The following DCX variants were observed in gnomAD, a reference collection of about 807,000 sequenced individuals.
The protein encoded by DCX is neuronal migration protein doublecortin.
DCX carries 4 observed loss-of-function variants against 20.9 expected under a neutral mutation model. The ratio of observed to expected loss-of-function variants is 0.19; its 90% CI spans 0.09 to 0.44. DCX has a LOEUF of 0.44. DCX is among the 20% of genes least tolerant of loss of function. DCX has a pLI of 0.99. For missense variants in DCX, 133 were observed against 296.9 expected (o/e 0.45, Z 4.06); for synonymous variants, 103 against 111.4 (o/e 0.92, Z 0.47).
chrX:111,308,581 T>A (rs2095050564), intron 6 of DCX, among the ~76,000 whole-genome samples: 1 of 111,322 alleles, frequency 9.0e-6, no homozygotes, highest in Admixed American at 9.6e-5. Flanking sequence ...AAGCCACTTA[T>A]ATTAGAGTTA....
chrX:111,349,794 T>A (rs944495400), intron 3 of DCX, among the ~76,000 whole-genome samples: 2 of 111,728 alleles, frequency 1.8e-5, no homozygotes, highest in South Asian at 7.6e-4. Context: ...ACATCAACCA[T>A]CAGTCAGTGT....
rs1167051681 is a variant in DCX at position 111,300,805 on chromosome X, T to C, written c.*882A>G. ...CAGACCTGAAAACAAATTCTCACAG[T>C]GTTTTCAGTGTTGGCTGTTAACAAG... On this transcript the variant is annotated 3_prime_UTR_variant, in exon 7 of 7. Coordinates refer to ENST00000636035, the MANE Select transcript of DCX (RefSeq NM_001195553.2). 1 of 111,931 alleles carries C rather than the reference T, an allele frequency of 8.9e-6. No individual in the cohort carries two copies. Among genetic ancestry groups the C allele is most frequent in the Non-Finnish European group, 1.9e-5 (1 of 53,168 alleles). The allele number at this position is 111,931 out of a possible 1,213,427, so 9.2% of individuals were successfully genotyped here.
At chrX:111,377,456 G>A (rs1337337533) in intron 3 of DCX, among the ~76,000 whole-genome samples, 1 of 111,216 alleles carries the variant, frequency 9.0e-6, no homozygotes, top group Non-Finnish European at 1.9e-5. Flanking sequence ...GTGGGGTGGG[G>A]ACTGCATCAA....
At chrX:111,352,236 A>G (rs770327333) in intron 3 of DCX, among the ~76,000 whole-genome samples, 33 of 111,974 alleles carry the variant, frequency 2.9e-4, no homozygotes, top group Admixed American at 2.7e-3. Flanking sequence ...CAGAATGTCA[A>G]TAGTGCCAGG....
At chrX:111,354,812 T>C (rs1273396031) in intron 3 of DCX, among the ~76,000 whole-genome samples, 1 of 112,802 alleles carries the variant, frequency 8.9e-6, no homozygotes. Context: ...CAGTTTTCAA[T>C]GGTTTATAGC....
chrX:111,402,701 G>A (rs1473329377), intron 2 of DCX, among the ~76,000 whole-genome samples: 4 of 110,796 alleles, frequency 3.6e-5, no homozygotes, highest in Non-Finnish European at 7.5e-5. Flanking sequence ...TCTCAGTAAT[G>A]CTAAGAGAAG....
intron 2 of DCX, among the ~76,000 whole-genome samples, chrX:111,409,560 G>C (rs1928530920): frequency 8.9e-6 from 1 of 111,967 alleles, no homozygotes; most frequent in African/African-American, 3.2e-5. Context: ...ATAATCCTCT[G>C]TGAATATGTC....
At position 111,297,361 on chromosome X, in the gene DCX, C is replaced by T. The variant is rs920361576; in HGVS notation, c.*4326G>A. 2.7e-5 allele frequency: 3 copies of T among 111,238 alleles called. No individual in the cohort carries two copies. The highest frequency in any genetic ancestry group is 9.8e-5 in the African/African-American group (3 of 30,480). The allele number at this position is 111,238 out of a possible 1,213,427, so 9.2% of individuals were successfully genotyped here. On this transcript the variant is annotated 3_prime_UTR_variant, in exon 7 of 7. Coordinates refer to ENST00000636035, the MANE Select transcript of DCX (RefSeq NM_001195553.2). Reference sequence around the variant, plus strand: ...GGATATAGGCATCCTGTTCTCTTGTCCTAGGGATATGGATTTTTAAAAAAT... The same window carrying T: ...GGATATAGGCATCCTGTTCTCTTGTTCTAGGGATATGGATTTTTAAAAAAT...
At chrX:111,405,413 G>A (rs1439500461) in intron 2 of DCX, among the ~76,000 whole-genome samples, 1 of 112,241 alleles carries the variant, frequency 8.9e-6, no homozygotes, top group Non-Finnish European at 1.9e-5. Context: ...AAATTAGTGA[G>A]AAGGTGGATT....
chrX:111,381,290 G>T (rs1217610825), intron 3 of DCX, among the ~76,000 whole-genome samples: 1 of 110,337 alleles, frequency 9.1e-6, no homozygotes, highest in Non-Finnish European at 1.9e-5. Flanking sequence ...TTGGATCAAG[G>T]TATGGGGGAA....
chrX:111,360,013 G>A (rs1241992178), intron 3 of DCX, among the ~76,000 whole-genome samples: 1 of 112,070 alleles, frequency 8.9e-6, no homozygotes, highest in Admixed American at 9.5e-5. Flanking sequence ...GACAATATGT[G>A]TACAAAAATG....
At chrX:111,348,485 G>A (rs1464803373) in intron 3 of DCX, among the ~76,000 whole-genome samples, 2 of 111,443 alleles carry the variant, frequency 1.8e-5, no homozygotes, top group African/African-American at 6.5e-5. Flanking sequence ...CTCCCACTGG[G>A]GGCCTCTCAA....
chrX:111,306,161 G>A (rs2095044963), intron 6 of DCX, among the ~76,000 whole-genome samples: 1 of 111,070 alleles, frequency 9.0e-6, no homozygotes, highest in African/African-American at 3.3e-5. Flanking sequence ...TTAAAAACAT[G>A]ATCCAACTCA....
intron 3 of DCX, among the ~76,000 whole-genome samples, chrX:111,374,399 G>T (rs1925357807): frequency 8.9e-6 from 1 of 111,775 alleles, no homozygotes; most frequent in South Asian, 3.7e-4. Context: ...TTTTTATATT[G>T]CTTATGGGGT....
chrX:111,367,371 T>C (rs1924703618), intron 3 of DCX, among the ~76,000 whole-genome samples: 1 of 111,771 alleles, frequency 8.9e-6, no homozygotes, highest in Non-Finnish European at 1.9e-5. Context: ...TAAAATCTCT[T>C]CTCAGCATTG....
chrX:111,347,364 C>T (rs1922919464), intron 3 of DCX, among the ~76,000 whole-genome samples: 1 of 110,976 alleles, frequency 9.0e-6, no homozygotes, highest in South Asian at 3.8e-4. Flanking sequence ...AACTAAAATC[C>T]ATTTCTTTGA....
chrX:111,358,048 GA>G (rs1923895265), intron 3 of DCX, among the ~76,000 whole-genome samples: 1 of 110,815 alleles, frequency 9.0e-6, no homozygotes, highest in African/African-American at 3.3e-5. Context: ...GGCTGGCCTC[GA>G]ACTCCTGGCC....
intron 1 of DCX, chrX:111,410,850 G>C (rs1324852945): frequency 2.5e-6 from 3 of 1,209,108 alleles, no homozygotes; most frequent in Non-Finnish European, 3.4e-6. Flanking sequence ...AGTTGTAAAT[G>C]AATCCATAGC....
At chrX:111,363,744 T>C (rs144824515) in intron 3 of DCX, among the ~76,000 whole-genome samples, 1,798 of 111,790 alleles carry the variant, frequency 0.016, 39 homozygotes, top group African/African-American at 0.055. Flanking sequence ...TTTCAGTTTA[T>C]GCCCAAGGTG....
Sources: allele counts gnomAD v4.1 joint callset (sites outside exome capture counted in the v4.1 genomes callset), GRCh38; gene constraint gnomAD v4.1.1; transcripts MANE v1.5; gene names NCBI Gene and HGNC (gene_info 2026-07-23, HGNC 2026-07-21).